The following HPSE2 variants were observed in gnomAD, a reference collection of about 807,000 sequenced individuals.
The protein encoded by HPSE2 is heparanase 2 (inactive).
Under a neutral mutation model 60.5 loss-of-function variants are expected in HPSE2, and 38 were observed. The observed-to-expected ratio is 0.63, with a 90% CI of 0.48 to 0.82. The LOEUF (loss-of-function observed/expected upper bound fraction) is 0.82. Ranked by LOEUF, HPSE2 falls within the 40% of genes least tolerant of loss-of-function variation. The pLI, the probability that HPSE2 is intolerant of heterozygous loss-of-function variation, is 0.00. For missense variants in HPSE2, 713 were observed against 740.4 expected, an observed-to-expected ratio of 0.96 and a Z score of 0.43; for synonymous variants, 295 against 293.2, an observed-to-expected ratio of 1.01 and a Z score of -0.06.
intron 7 of HPSE2, among the ~76,000 whole-genome samples, chr10:98,633,090 C>T (rs1445760112): frequency 6.6e-6 from 1 of 152,190 alleles, no homozygotes; most frequent in Non-Finnish European, 1.5e-5. Context: ...CCTCATCCTA[C>T]TCAATGTGAA....
intron 3 of HPSE2, among the ~76,000 whole-genome samples, chr10:99,137,450 A>G (rs796489207): frequency 6.6e-6 from 1 of 152,244 alleles, no homozygotes; most frequent in African/African-American, 2.4e-5. Context: ...ATCCTGAGCA[A>G]CAAGAACAAA....
intron 3 of HPSE2, among the ~76,000 whole-genome samples, chr10:98,911,378 CA>C (rs1310926202): frequency 6.6e-6 from 1 of 152,110 alleles, no homozygotes; most frequent in Admixed American, 6.5e-5. Context: ...AATGGAAGTG[CA>C]GAGATTAGAG....
In HPSE2 at chr10:98,852,750, T is replaced by C. The variant is rs76363763; in HGVS notation, c.611-108694A>G. The stretch of plus-strand genomic sequence containing the variant: ...TGTATTGACTGTTGTGGTGTGAGAA[T>C]AGAAGGAAACTAGTTTGTTTTTTTC... On this transcript the variant is annotated intron_variant, in intron 3 of 11. Coordinates refer to ENST00000370552, the MANE Select transcript of HPSE2 (RefSeq NM_021828.5). Among the ~76,000 whole-genome samples the C allele has an allele frequency of 1.7e-3, 256 of 152,350 alleles. 1 individual carries two copies. Among genetic ancestry groups the C allele is most frequent in the African/African-American group, 5.6e-3 (232 of 41,584 alleles).
intron 6 of HPSE2, among the ~76,000 whole-genome samples, chr10:98,679,722 C>T (rs1428775660): frequency 1.3e-5 from 2 of 152,144 alleles, no homozygotes; most frequent in South Asian, 2.1e-4. Flanking sequence ...TAGGGTCTTG[C>T]TCTGTTGCCC....
At chr10:98,790,450 G>C (rs1362542007) in intron 3 of HPSE2, among the ~76,000 whole-genome samples, 1 of 152,160 alleles carries the variant, frequency 6.6e-6, no homozygotes, top group African/African-American at 2.4e-5. Context: ...CGATCTCATA[G>C]AAACAAATTA....
At chr10:98,775,679 A>G (rs1950325081) in intron 3 of HPSE2, among the ~76,000 whole-genome samples, 2 of 152,084 alleles carry the variant, frequency 1.3e-5, no homozygotes, top group Non-Finnish European at 1.5e-5. Context: ...AGGCAAACTC[A>G]TCTATCCCTT....
intron 11 of HPSE2, among the ~76,000 whole-genome samples, chr10:98,465,726 C>CT (rs1213393058): frequency 1.3e-5 from 2 of 152,156 alleles, no homozygotes; most frequent in Non-Finnish European, 2.9e-5. Flanking sequence ...TCATCATATT[C>CT]TGAGACCTCC....
chr10:98,890,387 A>G (rs1953300304), intron 3 of HPSE2, among the ~76,000 whole-genome samples: 1 of 152,200 alleles, frequency 6.6e-6, no homozygotes, highest in African/African-American at 2.4e-5. Context: ...TAAAGTAATT[A>G]CTATAAAGAG....
chr10:98,925,137 G>GC (rs1233450183), intron 3 of HPSE2, among the ~76,000 whole-genome samples: 4 of 152,254 alleles, frequency 2.6e-5, no homozygotes, highest in African/African-American at 7.2e-5. Flanking sequence ...TATCTCTTCT[G>GC]CCCTCCTCAA....
intron 2 of HPSE2, among the ~76,000 whole-genome samples, chr10:99,208,664 G>A (rs1848845626): frequency 6.8e-6 from 1 of 147,062 alleles, no homozygotes; most frequent in Non-Finnish European, 1.5e-5. Flanking sequence ...CCACCTGGGT[G>A]ACAGAGTGAG....
chr10:98,780,696 G>A (rs1317403646), intron 3 of HPSE2, among the ~76,000 whole-genome samples: 7 of 152,046 alleles, frequency 4.6e-5, no homozygotes, highest in Admixed American at 4.6e-4. Flanking sequence ...CAAGATGACT[G>A]CAAGTTTTCA....
chr10:98,981,851 C>T (rs183208719), intron 3 of HPSE2, among the ~76,000 whole-genome samples: 1 of 152,106 alleles, frequency 6.6e-6, no homozygotes, highest in East Asian at 1.9e-4. Context: ...ATATTCTTTC[C>T]CATTTCCCTA....
At chr10:98,875,453 T>C (rs1437789721) in intron 3 of HPSE2, among the ~76,000 whole-genome samples, 1 of 151,926 alleles carries the variant, frequency 6.6e-6, no homozygotes, top group Non-Finnish European at 1.5e-5. Context: ...CCTGGACATA[T>C]ACATCCTCCC....
intron 3 of HPSE2, among the ~76,000 whole-genome samples, chr10:98,960,215 G>A (rs757329874): frequency 2.0e-4 from 31 of 152,068 alleles, no homozygotes; most frequent in Non-Finnish European, 5.9e-5. Flanking sequence ...TAAGAAGCAT[G>A]TCTCACTGCC....
chr10:98,652,754 T>C (rs1946951406), intron 6 of HPSE2, among the ~76,000 whole-genome samples: 1 of 152,238 alleles, frequency 6.6e-6, no homozygotes, highest in South Asian at 2.1e-4. Flanking sequence ...AAATGGTATC[T>C]TGGCTAAAAT....
At position 98,490,311 on chromosome 10, in the gene HPSE2, T is replaced by C. The variant is rs146699330; in HGVS notation, c.1321-115A>G. ...CACACACGGGCCAGAAATCACTTCC[T>C]ACCTGGAGTCATGAGTCATGACCAA... On this transcript the variant is annotated intron_variant, in intron 9 of 11. Coordinates refer to ENST00000370552, the MANE Select transcript of HPSE2 (RefSeq NM_021828.5). The C allele has an allele frequency of 1.3e-4, 162 of 1,262,186 alleles. 2 individuals are homozygous for C. The African/African-American group carries it at 1.8e-3, about 14-fold the overall frequency. 78.2% of individuals were successfully genotyped at this position (1,262,186 alleles called of 1,614,324 possible). A position where few individuals can be genotyped will look rare whatever the true frequency, so the allele number is the denominator to read the frequency against.
chr10:98,542,449 T>A (rs1425004196), intron 9 of HPSE2, among the ~76,000 whole-genome samples: 3 of 151,996 alleles, frequency 2.0e-5, no homozygotes, highest in Non-Finnish European at 4.4e-5. Flanking sequence ...ACGCAGTTCC[T>A]CACCAGCAAT....
chr10:99,011,754 CAA>C, intron 3 of HPSE2, among the ~76,000 whole-genome samples: 1 of 93,108 alleles, frequency 1.1e-5, no homozygotes, highest in Admixed American at 1.4e-4. Flanking sequence ...GACTCCATCT[CAA>C]AAAAAAAAAA....
chr10:99,014,593 T>C (rs1957093664), intron 3 of HPSE2, among the ~76,000 whole-genome samples: 1 of 152,216 alleles, frequency 6.6e-6, no homozygotes, highest in Admixed American at 6.5e-5. Flanking sequence ...TGTTCCGTTT[T>C]CTCCACAACC....
Sources: gnomAD v4.1 joint callset for allele counts (sites outside exome capture counted in the v4.1 genomes callset) on GRCh38, gnomAD v4.1.1 for gene constraint, MANE v1.5 for transcripts, NCBI Gene and HGNC (gene_info 2026-07-23, HGNC 2026-07-21) for gene names.